The following WDR37 variants were observed in gnomAD, a reference collection of about 807,000 sequenced individuals.
WDR37 encodes WD repeat-containing protein 37.
In WDR37, 19 loss-of-function variants were observed where a neutral mutation model predicts 62.9. The observed-to-expected ratio is 0.30, with a 90% CI of 0.21 to 0.44. WDR37 has a LOEUF of 0.44. Among genes scored for constraint, WDR37 ranks in the 20% least tolerant of loss-of-function variants. The pLI, the probability that WDR37 is intolerant of heterozygous loss-of-function variation, is 1.00. For synonymous variants in WDR37, 250 were observed against 260.9 expected (o/e 0.96, Z 0.40); for missense variants, 474 against 657.6 (o/e 0.72, Z 3.05).
intron 5 of WDR37, among the ~76,000 whole-genome samples, chr10:1,083,677 G>A (rs538020952): frequency 6.6e-6 from 1 of 152,348 alleles, no homozygotes; most frequent in South Asian, 2.1e-4. Flanking sequence ...AAGAGGGCAT[G>A]AGAACTGTCT....
chr10:1,069,270 G>C (rs1833647039), intron 1 of WDR37, among the ~76,000 whole-genome samples: 1 of 150,272 alleles, frequency 6.7e-6, no homozygotes, highest in South Asian at 2.1e-4. Flanking sequence ...CCTTATTCTT[G>C]GGCTGTTTAT....
At chr10:1,102,749 T>G (rs1463126192) in intron 9 of WDR37, among the ~76,000 whole-genome samples, 1 of 152,194 alleles carries the variant, frequency 6.6e-6, no homozygotes, top group Non-Finnish European at 1.5e-5. Flanking sequence ...AGATTTGGGC[T>G]GGGACAAATT....
chr10:1,126,393 G>C (rs544923922), intron 13 of WDR37, among the ~76,000 whole-genome samples: 14 of 142,340 alleles, frequency 9.8e-5, no homozygotes, highest in East Asian at 2.0e-4. Context: ...GCGACAGAGC[G>C]AGACTGTGTC....
intron 9 of WDR37, among the ~76,000 whole-genome samples, chr10:1,101,313 G>T (rs1206098221): frequency 6.6e-6 from 1 of 152,158 alleles, no homozygotes; most frequent in African/African-American, 2.4e-5. Flanking sequence ...TGTGAGCAGG[G>T]CTGGTTCCTC....
rs150803800 is a variant in WDR37, at chr10:1,100,930, C to T, written c.727-2672C>T. Among the ~76,000 whole-genome samples the T allele has an allele frequency of 2.2e-3, 335 of 152,352 alleles. 2 individuals are homozygous for T. The highest frequency in any genetic ancestry group is 7.4e-3 in the African/African-American group (309 of 41,588). The stretch of plus-strand genomic sequence containing the variant: ...GGCCCCCCGTCCCGACTGAGCTGCA[C>T]GTGCCACCCTGAACTTGCTGTCTCT... On this transcript the variant is annotated intron_variant, in intron 9 of 13. Transcript: ENST00000263150.
rs898543794 is a variant in WDR37, at chr10:1,111,749, G to A, written c.1103+6482G>A. 4.6e-5 allele frequency among the ~76,000 whole-genome samples: 7 copies of A among 152,302 alleles called. No homozygotes were observed. The South Asian group carries it at 6.2e-4, about 14-fold the overall frequency. On this transcript the variant is annotated intron_variant, in intron 11 of 13. Coordinates refer to ENST00000263150, the MANE Select transcript of WDR37 (RefSeq NM_014023.4). Reference sequence around the variant, plus strand: ...TTTGACTGTTTGTTAGTGACCCAGCGTGTACTGATTTATATGAAAAGCAAT... The same window carrying A: ...TTTGACTGTTTGTTAGTGACCCAGCATGTACTGATTTATATGAAAAGCAAT...
In WDR37 at chr10:1,068,246, C is replaced by T. The variant is rs529637042; in HGVS notation, c.-40-3870C>T. 7.2e-5 allele frequency among the ~76,000 whole-genome samples: 11 copies of T among 152,118 alleles called. No homozygotes were observed. The East Asian group carries it at 1.9e-3, about 27-fold the overall frequency. ...CCTGTAATCCCAGCACTTTGGGAGG[C>T]TGAGGCGGGTGGATCATGAGGTCAG... On this transcript the variant is annotated intron_variant, in intron 1 of 13. Coordinates refer to ENST00000263150, the MANE Select transcript of WDR37 (RefSeq NM_014023.4).
chr10:1,099,881 T>G (rs1315413691), intron 9 of WDR37, among the ~76,000 whole-genome samples: 1 of 146,444 alleles, frequency 6.8e-6, no homozygotes, highest in African/African-American at 2.6e-5. Context: ...AAATGTGCGC[T>G]GATGGCGGGC....
chr10:1,056,685 G>C lies in WDR37; in HGVS notation c.-324G>C, dbSNP rs1021533039. ...GGTCTTCAGCGCGCCCAGACCCCTC[G>C]GGGCTGCGGGGCGGAAGCCGGGGCG... On this transcript the variant is annotated 5_prime_UTR_variant, in exon 1 of 14. Transcript: ENST00000263150. 6.6e-6 allele frequency: 1 copy of C among 152,274 alleles called. No homozygotes were observed. Among genetic ancestry groups the C allele is most frequent in the Non-Finnish European group, 1.5e-5 (1 of 68,082 alleles). The allele number at this position is 152,274 out of a possible 1,614,324, so 9.4% of individuals were successfully genotyped here. A position where few individuals can be genotyped will look rare whatever the true frequency, so the allele number is the denominator to read the frequency against.
Position 1,103,731 on chromosome 10 carries a change from G to A in WDR37, c.856G>A (p.Ala286Thr), listed in dbSNP as rs746626223. 68 of 1,614,104 alleles carry A rather than the reference G, an allele frequency of 4.2e-5. No homozygotes were observed. The South Asian group carries it at 5.2e-4, about 12-fold the overall frequency. ...SLKSHQGVVI[A>T]SDWLVGGKQA... The stretch of plus-strand genomic sequence containing the variant: ...CAAGAGCCACCAGGGCGTGGTCATC[G>A]CCTCCGACTGGCTGGTTGGGGGGAA... Residue 286 changes from alanine to threonine, a missense_variant, in exon 10 of 14, where the codon GCC (alanine) becomes ACC (threonine). By Grantham distance (58) the Ala-to-Thr change is moderately conservative (BLOSUM62 0). Transcript: ENST00000263150. The surrounding 1 kb of genome is among the most constrained non-coding windows in gnomAD (Gnocchi z 6.3).
At chr10:1,074,347 T>C in intron 2 of WDR37, 1 of 1,248,662 alleles carries the variant, frequency 8.0e-7, no homozygotes, top group South Asian at 1.4e-5. Context: ...AGGCGGTGAC[T>C]GCATCTCATG....
At chr10:1,058,648 G>A (rs138685017) in intron 1 of WDR37, among the ~76,000 whole-genome samples, 13 of 152,332 alleles carry the variant, frequency 8.5e-5, no homozygotes, top group African/African-American at 3.1e-4. Context: ...AATTGATGGT[G>A]TATGTATTCC....
At chr10:1,090,228 G>C (rs943159532) in intron 7 of WDR37, among the ~76,000 whole-genome samples, 1 of 151,646 alleles carries the variant, frequency 6.6e-6, no homozygotes, top group African/African-American at 2.4e-5. Flanking sequence ...GTAGGATCTC[G>C]GCTCACTGCA....
chr10:1,064,012 T>G lies in WDR37; in HGVS notation c.-41+7044T>G, dbSNP rs184525291. 2.0e-5 allele frequency among the ~76,000 whole-genome samples: 3 copies of G among 152,304 alleles called. No homozygotes were observed. In the East Asian group the frequency reaches 5.8e-4, roughly 29 times the overall value. On this transcript the variant is annotated intron_variant, in intron 1 of 13. Coordinates refer to ENST00000263150, the MANE Select transcript of WDR37 (RefSeq NM_014023.4). The stretch of plus-strand genomic sequence containing the variant: ...GTAGAGATGACACAGAGTTTAGAAT[T>G]ATTTGACAAGGACCTTAAAGCAGCG...
At chr10:1,107,293 C>A (rs1835055637) in intron 11 of WDR37, among the ~76,000 whole-genome samples, 1 of 134,336 alleles carries the variant, frequency 7.4e-6, no homozygotes, top group South Asian at 2.6e-4. Context: ...CCACCTGGCA[C>A]CACTGTGTAG....
chr10:1,087,928 G>A (rs1390648875), intron 7 of WDR37, among the ~76,000 whole-genome samples: 4 of 152,238 alleles, frequency 2.6e-5, no homozygotes, highest in African/African-American at 9.6e-5. Context: ...GTTGTTTAGA[G>A]TAACCATCTT....
intron 8 of WDR37, 125 bp from the exon 9 acceptor site, chr10:1,096,045 T>G: frequency 1.3e-6 from 1 of 789,422 alleles, no homozygotes. Context: ...AAAAGTACAT[T>G]CCTCTCACTA....
chr10:1,079,495 G>A (rs1833965240), intron 3 of WDR37, among the ~76,000 whole-genome samples: 1 of 151,980 alleles, frequency 6.6e-6, no homozygotes, highest in African/African-American at 2.4e-5. Flanking sequence ...TAGCAAGTGT[G>A]TGAGCTTTTA....
intron 1 of WDR37, among the ~76,000 whole-genome samples, chr10:1,071,130 T>A (rs1030506987): frequency 7.9e-5 from 12 of 152,250 alleles, no homozygotes; most frequent in Non-Finnish European, 1.6e-4. Context: ...TACGCTGATA[T>A]ATTCACAGAA....
Sources: gnomAD v4.1 joint callset for allele counts (sites outside exome capture counted in the v4.1 genomes callset) on GRCh38, gnomAD v4.1.1 for gene constraint, Gnocchi (gnomAD v3.1) non-coding constraint, MANE v1.5 for transcripts, NCBI Gene and HGNC (gene_info 2026-07-23, HGNC 2026-07-21) for gene names.